The following ARPP21 variants were observed in gnomAD, a reference collection of about 807,000 sequenced individuals.
The protein encoded by ARPP21 is cAMP-regulated phosphoprotein 21.
A neutral mutation model predicts 113.2 loss-of-function variants in ARPP21; 69 were observed. The ratio of observed to expected loss-of-function variants is 0.61; its 90% CI spans 0.50 to 0.74. ARPP21 has a LOEUF of 0.74. Among genes scored for constraint, ARPP21 ranks in the 30% least tolerant of loss-of-function variants. ARPP21 has a pLI of 0.00. For synonymous variants in ARPP21, 368 were observed against 375.5 expected, an observed-to-expected ratio of 0.98 and a Z score of 0.23; for missense variants, 1,070 against 1,037.4, an observed-to-expected ratio of 1.03 and a Z score of -0.43.
At chr3:35,745,369 C>A (rs2094960721) in intron 19 of ARPP21, among the ~76,000 whole-genome samples, 1 of 152,112 alleles carries the variant, frequency 6.6e-6, no homozygotes, top group African/African-American at 2.4e-5. Context: ...AATTTACAAT[C>A]TTGAGGATCT....
chr3:35,685,576 G>A (rs932553820), intron 5 of ARPP21: 43 of 984,702 alleles, frequency 4.4e-5, no homozygotes, highest in Middle Eastern at 5.2e-4. Context: ...GGATTGTATC[G>A]CTTCCCCAAT....
At chr3:35,775,531 C>G (rs2096335600) in intron 19 of ARPP21, among the ~76,000 whole-genome samples, 1 of 151,972 alleles carries the variant, frequency 6.6e-6, no homozygotes, top group Non-Finnish European at 1.5e-5. Flanking sequence ...CCACATTTGA[C>G]AGGGAAAAAG....
intron 15 of ARPP21, among the ~76,000 whole-genome samples, chr3:35,730,497 C>T (rs2093883827): frequency 1.3e-5 from 2 of 152,156 alleles, no homozygotes; most frequent in Non-Finnish European, 2.9e-5. Context: ...TTATCCGGAA[C>T]AAAATGTTGG....
At position 35,690,991 on chromosome 3, in the gene ARPP21, C is replaced by T. The variant is rs1473200061; in HGVS notation, c.672C>T (p.Thr224=). Residue 224 remains threonine (T), a synonymous_variant, in exon 9 of 21, where the codon ACC becomes ACT. Transcript: ENST00000684406. ...QTGKSVIINK[T]SSTRIPEQRF... Reference sequence around the variant, plus strand: ...GAAAATCTGTTATCATCAACAAGACCAGCAGCACCAGAATGTAAGCCCCAT... The same window carrying T: ...GAAAATCTGTTATCATCAACAAGACTAGCAGCACCAGAATGTAAGCCCCAT... 1.2e-6 allele frequency: 2 copies of T among 1,609,760 alleles called. No individual in the cohort carries two copies. The highest frequency in any genetic ancestry group is 2.7e-5 in the African/African-American group (2 of 74,522).
chr3:35,715,361 T>C, intron 11 of ARPP21, 78 bp from the exon 12 acceptor site: 3 of 1,203,106 alleles, frequency 2.5e-6, no homozygotes, highest in Admixed American at 1.8e-5. Context: ...GGAAAGTTAG[T>C]TTTAAAATCA....
At position 35,737,214 on chromosome 3, in the gene ARPP21, T is replaced by C. The variant is rs766821086; in HGVS notation, c.1496T>C (p.Ile499Thr). The C allele has an allele frequency of 5.0e-6, 8 of 1,612,298 alleles. No homozygotes were observed. In the East Asian group the frequency reaches 1.6e-4, roughly 31 times the overall value. Residue 499 changes from isoleucine to threonine, a missense_variant, in exon 16 of 21, where the codon ATA (isoleucine) becomes ACA (threonine). Transcript: ENST00000684406. Reference protein sequence around the residue: ...PFVNPDGTPAIYNPPTSQQPL... With the variant: ...PFVNPDGTPATYNPPTSQQPL... Reference sequence around the variant, plus strand: ...GTGAATCCCGATGGAACTCCTGCAATATACAACCCACCCACCAGTCAGCAG... The same window carrying C: ...GTGAATCCCGATGGAACTCCTGCAACATACAACCCACCCACCAGTCAGCAG...
chr3:35,737,197 C>A lies in ARPP21; in HGVS notation c.1479C>A (p.Pro493=), dbSNP rs771842631. 3.1e-6 allele frequency: 5 copies of A among 1,608,464 alleles called. No individual in the cohort carries two copies. The East Asian group carries it at 1.1e-4, about 36-fold the overall frequency. The change falls in exon 16 of 21, where the codon CCC becomes CCA. Residue 493 remains proline (P), a synonymous_variant. Transcript: ENST00000684406. ...NPHTGQPFVN[P]DGTPAIYNPP... Reference sequence around the variant, plus strand: ...TTGCAGGCCAGCCCTTTGTGAATCCCGATGGAACTCCTGCAATATACAACC... The same window carrying A: ...TTGCAGGCCAGCCCTTTGTGAATCCAGATGGAACTCCTGCAATATACAACC...
chr3:35,744,597 C>A, intron 19 of ARPP21: 1 of 493,750 alleles, frequency 2.0e-6, no homozygotes, highest in Non-Finnish European at 4.2e-6. Context: ...AAGAGCAGCA[C>A]GAACCCGACA....
chr3:35,693,733 A>G (rs1049501769), intron 9 of ARPP21, among the ~76,000 whole-genome samples: 2 of 151,764 alleles, frequency 1.3e-5, no homozygotes, highest in Non-Finnish European at 3.0e-5. Context: ...CAGGGCAATC[A>G]ACATGTGTTG....
chr3:35,779,241 T>C (rs570331934), intron 19 of ARPP21, among the ~76,000 whole-genome samples: 24 of 152,284 alleles, frequency 1.6e-4, no homozygotes, highest in Admixed American at 3.3e-4. Context: ...AGTGGCACAA[T>C]TGGGGGAAGA....
chr3:35,667,966 GAAGAAGAAGAAGAAGAA>G (rs2075121917), intron 1 of ARPP21, among the ~76,000 whole-genome samples: 2 of 103,786 alleles, frequency 1.9e-5, no homozygotes, highest in East Asian at 5.4e-4. Context: ...AGAAGAAGAA[GAAGAAGAAGAAGAAGAA>G]GAAGAAGAAG....
intron 11 of ARPP21, among the ~76,000 whole-genome samples, chr3:35,712,671 T>A (rs1199909797): frequency 6.6e-6 from 1 of 152,046 alleles, no homozygotes; most frequent in Non-Finnish European, 1.5e-5. Context: ...CAAATCCACT[T>A]TGAGAATTTT....
intron 9 of ARPP21, among the ~76,000 whole-genome samples, chr3:35,705,611 A>G (rs934002631): frequency 1.3e-5 from 2 of 152,188 alleles, no homozygotes; most frequent in Non-Finnish European, 2.9e-5. Flanking sequence ...GGATGTGACC[A>G]GGCTGTGTGA....
intron 5 of ARPP21, 170 bp downstream of exon 5, chr3:35,683,985 G>T (rs183848724): frequency 1.4e-6 from 2 of 1,384,932 alleles, no homozygotes; most frequent in East Asian, 2.3e-5. Flanking sequence ...ATAGTTTAAT[G>T]GTTTGTCACA....
In ARPP21 at chr3:35,737,512, A is replaced by G; in HGVS notation, c.1644+150A>G. 3 of 534,742 alleles carry G rather than the reference A, an allele frequency of 5.6e-6. No homozygotes were observed. In the South Asian group the frequency reaches 1.2e-4, roughly 22 times the overall value. 33.1% of individuals were successfully genotyped at this position (534,742 alleles called of 1,614,324 possible). A position where few individuals can be genotyped will look rare whatever the true frequency, so the allele number is the denominator to read the frequency against. On this transcript the variant is annotated intron_variant, in intron 16 of 20. Coordinates refer to ENST00000684406, the MANE Select transcript of ARPP21 (RefSeq NM_001385562.1). The stretch of plus-strand genomic sequence containing the variant: ...GCAGCATAGAGTTCTTTGCAGATTG[A>G]CAGGATTTTATCTGAATCCTTAAGT...
intron 19 of ARPP21, among the ~76,000 whole-genome samples, chr3:35,770,263 ATTCAT>A (rs983763813): frequency 6.6e-6 from 1 of 152,024 alleles, no homozygotes; most frequent in African/African-American, 2.4e-5. Flanking sequence ...TCCTCCTTTT[ATTCAT>A]TTCTTTTTCT....
At position 35,672,233 on chromosome 3, in the gene ARPP21, C is replaced by T. The variant is rs143727577; in HGVS notation, c.-212-7554C>T. Among the ~76,000 whole-genome samples, 599 of 152,016 alleles carry T rather than the reference C, an allele frequency of 3.9e-3. 7 individuals carry two copies. Among genetic ancestry groups the T allele is most frequent in the African/African-American group, 0.013 (558 of 41,490 alleles). ...GCAAGCACCATCTCTTTCCTTTCCC[C>T]GGTATCCTATCCAGAAGGCCACAAA... On this transcript the variant is annotated intron_variant, in intron 1 of 20. Coordinates refer to ENST00000684406, the MANE Select transcript of ARPP21 (RefSeq NM_001385562.1).
intron 19 of ARPP21, among the ~76,000 whole-genome samples, chr3:35,757,613 A>G (rs1171299687): frequency 2.0e-5 from 3 of 152,130 alleles, no homozygotes; most frequent in East Asian, 1.9e-4. Context: ...GTTTTCTTTT[A>G]TATGTAGAAT....
chr3:35,703,276 A>G (rs956708822), intron 9 of ARPP21, among the ~76,000 whole-genome samples: 2 of 151,916 alleles, frequency 1.3e-5, no homozygotes, highest in African/African-American at 4.8e-5. Flanking sequence ...TCAAGCTTCA[A>G]GGGGGAAAAA....
Sources: gnomAD v4.1 joint callset for allele counts (sites outside exome capture counted in the v4.1 genomes callset) on GRCh38, gnomAD v4.1.1 for gene constraint, MANE v1.5 for transcripts, NCBI Gene and HGNC (gene_info 2026-07-23, HGNC 2026-07-21) for gene names.